The following IL1RAP variants were observed in gnomAD, a reference collection of about 807,000 sequenced individuals.
IL1RAP encodes interleukin 1 receptor accessory protein, also known as interleukin-1 receptor accessory protein.
A neutral mutation model predicts 60.7 loss-of-function variants in IL1RAP; 35 were observed. That is an observed-to-expected ratio of 0.58 (90% confidence interval 0.44 to 0.76). IL1RAP has a LOEUF of 0.76. IL1RAP is among the 30% of genes least tolerant of loss of function. The probability of loss-of-function intolerance (pLI) is 0.00; values close to 1 mark genes in which losing one functional copy is unlikely to be tolerated. For missense variants in IL1RAP, 572 were observed against 693.9 expected (o/e 0.82, Z 1.97); for synonymous variants, 268 against 250.9 (o/e 1.07, Z -0.64).
Position 190,598,146 on chromosome 3 carries a change from C to T in IL1RAP, c.65-5982C>T, listed in dbSNP as rs535500788. On this transcript the variant is annotated intron_variant, in intron 3 of 11. Transcript: ENST00000447382. The stretch of plus-strand genomic sequence containing the variant: ...TACTAATTTCCATTTAATAGTCTTT[C>T]GTCTACCATCATCTAATTGCAGTCC... 3.9e-5 allele frequency among the ~76,000 whole-genome samples: 6 copies of T among 152,282 alleles called. No homozygotes were observed. The East Asian group carries it at 9.7e-4, about 25-fold the overall frequency.
At chr3:190,590,772 A>T (rs182724521) in intron 3 of IL1RAP, among the ~76,000 whole-genome samples, 12 of 152,322 alleles carry the variant, frequency 7.9e-5, no homozygotes, top group African/African-American at 2.6e-4. Context: ...TTTGATTCTT[A>T]GCCTGCTTCA....
chr3:190,616,357 T>A (rs1731267921), intron 5 of IL1RAP, among the ~76,000 whole-genome samples: 1 of 152,200 alleles, frequency 6.6e-6, no homozygotes, highest in African/African-American at 2.4e-5. Flanking sequence ...TACTTAGAAA[T>A]TGATTAAATA....
Position 190,604,309 on chromosome 3 carries a change from A to G in IL1RAP, c.246A>G (p.Pro82=). The G allele has an allele frequency of 6.2e-7, 1 of 1,613,970 alleles. No individual in the cohort carries two copies. Among genetic ancestry groups the G allele is most frequent in the Non-Finnish European group, 8.5e-7 (1 of 1,179,974 alleles). The change falls in exon 4 of 12, where the codon CCA becomes CCG. Residue 82 remains proline, a synonymous_variant. Transcript: ENST00000447382. Reference sequence around the variant, plus strand: ...GGCAGGACCGGGACCTTGAGGAGCCAATTAACTTCCGCCTCCCCGAGAACC... The same window carrying G: ...GGCAGGACCGGGACCTTGAGGAGCCGATTAACTTCCGCCTCCCCGAGAACC... ...WTRQDRDLEE[P]INFRLPENRI...
intron 9 of IL1RAP, 132 bp downstream of exon 9, chr3:190,629,630 C>A: frequency 2.1e-6 from 3 of 1,397,756 alleles, no homozygotes; most frequent in Non-Finnish European, 1.9e-6. Flanking sequence ...AGTAATGAAT[C>A]AAACTTAAAT....
chr3:190,558,690 AG>A (rs1454872745), intron 2 of IL1RAP, among the ~76,000 whole-genome samples: 1 of 152,108 alleles, frequency 6.6e-6, no homozygotes, highest in Non-Finnish European at 1.5e-5. Flanking sequence ...TCAATGTCTT[AG>A]GGCTTTCTAT....
intron 5 of IL1RAP, 141 bp downstream of exon 5, chr3:190,609,322 C>G: frequency 1.8e-6 from 1 of 559,758 alleles, no homozygotes; most frequent in East Asian, 3.1e-5. Flanking sequence ...GGAAGTATTT[C>G]AGCACGTCCT....
chr3:190,596,313 A>G (rs572427170), intron 3 of IL1RAP, among the ~76,000 whole-genome samples: 1 of 151,934 alleles, frequency 6.6e-6, no homozygotes, highest in Admixed American at 6.6e-5. Context: ...ATGTGTGAGG[A>G]TACATTTGGG....
intron 1 of IL1RAP, among the ~76,000 whole-genome samples, chr3:190,542,236 T>C (rs1724000271): frequency 6.6e-6 from 1 of 152,138 alleles, no homozygotes; most frequent in Non-Finnish European, 1.5e-5. Context: ...ATATTTTGTT[T>C]TATAAACTGT....
intron 11 of IL1RAP, among the ~76,000 whole-genome samples, chr3:190,646,972 A>G (rs1734058770): frequency 6.6e-6 from 1 of 152,122 alleles, no homozygotes; most frequent in East Asian, 1.9e-4. Flanking sequence ...TCACCCATTT[A>G]TTTGTTCGTA....
chr3:190,578,855 A>G (rs962855062), intron 3 of IL1RAP, among the ~76,000 whole-genome samples: 1 of 152,174 alleles, frequency 6.6e-6, no homozygotes, highest in African/African-American at 2.4e-5. Context: ...TTATAAAACC[A>G]TCAGATCTCA....
At chr3:190,616,349 C>T (rs1731267224) in intron 5 of IL1RAP, among the ~76,000 whole-genome samples, 1 of 152,072 alleles carries the variant, frequency 6.6e-6, no homozygotes, top group South Asian at 2.1e-4. Flanking sequence ...CTATATTGTA[C>T]TTAGAAATTG....
chr3:190,520,897 G>A (rs1287012751), intron 1 of IL1RAP, among the ~76,000 whole-genome samples: 2 of 152,138 alleles, frequency 1.3e-5, no homozygotes, highest in African/African-American at 2.4e-5. Flanking sequence ...GTTTCTTAAC[G>A]CCAGTATGGT....
chr3:190,649,365 T>C lies in IL1RAP; in HGVS notation c.*660T>C, dbSNP rs1734256359. 1 of 985,454 alleles carries C rather than the reference T, an allele frequency of 1.0e-6. No individual in the cohort carries two copies. Among genetic ancestry groups the C allele is most frequent in the Non-Finnish European group, 1.2e-6 (1 of 829,664 alleles). 61.0% of individuals were successfully genotyped at this position (985,454 alleles called of 1,614,324 possible). A position where few individuals can be genotyped will look rare whatever the true frequency, so the allele number is the denominator to read the frequency against. ...TCTATGTAAACTTGAAAAATATTTCTTAATTTTTGTTTTTGCTCCAGTCAA... is the reference window on the plus strand; with the variant it reads ...TCTATGTAAACTTGAAAAATATTTCCTAATTTTTGTTTTTGCTCCAGTCAA... On this transcript the variant is annotated 3_prime_UTR_variant, in exon 12 of 12. Transcript: ENST00000447382.
intron 1 of IL1RAP, among the ~76,000 whole-genome samples, chr3:190,548,741 G>C (rs973363052): frequency 6.6e-6 from 1 of 152,340 alleles, no homozygotes; most frequent in Admixed American, 6.5e-5. Flanking sequence ...GGCAAGATGA[G>C]AGAGACTCTG....
chr3:190,569,927 C>A (rs1011672142), intron 3 of IL1RAP, among the ~76,000 whole-genome samples: 1 of 152,156 alleles, frequency 6.6e-6, no homozygotes, highest in Non-Finnish European at 1.5e-5. Flanking sequence ...TCCCTCACTC[C>A]CCCAACCCTG....
intron 3 of IL1RAP, among the ~76,000 whole-genome samples, chr3:190,584,770 T>G (rs1052788029): frequency 5.3e-5 from 8 of 152,252 alleles, no homozygotes; most frequent in African/African-American, 1.9e-4. Context: ...ATAGCTGATT[T>G]GTGGCTTGTC....
chr3:190,590,000 T>C (rs942327033), intron 3 of IL1RAP, among the ~76,000 whole-genome samples: 31 of 152,182 alleles, frequency 2.0e-4, no homozygotes, highest in Non-Finnish European at 1.8e-4. Context: ...CAAACACACA[T>C]AATAATTCCT....
At chr3:190,564,016 C>G in intron 2 of IL1RAP, 1 of 365,768 alleles carries the variant, frequency 2.7e-6, no homozygotes, top group South Asian at 4.0e-5. Context: ...TGAAACTTGT[C>G]TCTAGCCAAA....
In IL1RAP at chr3:190,651,417, CTTT is replaced by C; in HGVS notation, c.*2716_*2718del. The C allele has an allele frequency of 3.0e-6, 2 of 673,842 alleles. No homozygotes were observed. The highest frequency in any genetic ancestry group is 3.7e-6 in the Non-Finnish European group (2 of 545,960). The allele number at this position is 673,842 out of a possible 1,614,324, so 41.7% of individuals were successfully genotyped here. A position where few individuals can be genotyped will look rare whatever the true frequency, so the allele number is the denominator to read the frequency against. On this transcript the variant is annotated 3_prime_UTR_variant, in exon 12 of 12. Coordinates refer to ENST00000447382, the MANE Select transcript of IL1RAP (RefSeq NM_002182.4). The stretch of plus-strand genomic sequence containing the variant: ...ATAGGTTTTAATATTTTGAGAGTGT[CTTT>C]TTTATTTCATTCATGAACTTTTGTA...
Sources: allele counts gnomAD v4.1 joint callset (sites outside exome capture counted in the v4.1 genomes callset), GRCh38; gene constraint gnomAD v4.1.1; transcripts MANE v1.5; gene names NCBI Gene and HGNC (gene_info 2026-07-23, HGNC 2026-07-21).